Variants in FBXL17 observed in about 807,000 individuals in gnomAD.
FBXL17 encodes the protein F-box and leucine rich repeat protein 17, also known as F-box/LRR-repeat protein 17.
A neutral mutation model predicts 66.2 loss-of-function variants in FBXL17; 22 were observed. That is an observed-to-expected ratio of 0.33 (90% CI 0.24 to 0.47). FBXL17 has a LOEUF of 0.47. FBXL17 is among the 20% of genes least tolerant of loss of function. The pLI is 1.00. For synonymous variants in FBXL17, 474 were observed against 400.5 expected, an observed-to-expected ratio of 1.18 and a Z score of -2.19; for missense variants, 878 against 948.2, an observed-to-expected ratio of 0.93 and a Z score of 0.97.
At chr5:108,333,245 T>C (rs902950458) in intron 4 of FBXL17, among the ~76,000 whole-genome samples, 1 of 151,026 alleles carries the variant, frequency 6.6e-6, no homozygotes, top group African/African-American at 2.4e-5. Flanking sequence ...AAGACAAATA[T>C]TAATGTGAAG....
chr5:107,971,989 T>C (rs960503320), intron 7 of FBXL17, among the ~76,000 whole-genome samples: 20 of 152,378 alleles, frequency 1.3e-4, no homozygotes, highest in Admixed American at 4.6e-4. Flanking sequence ...ATTCACTAGA[T>C]TGTGAGCTCT....
intron 6 of FBXL17, among the ~76,000 whole-genome samples, chr5:108,055,608 C>CCA (rs1747675063): frequency 2.0e-5 from 1 of 51,146 alleles, no homozygotes; most frequent in African/African-American, 5.6e-5. Flanking sequence ...GACTCTGTCT[C>CCA]AAAAAAAAAA....
chr5:108,208,067 G>A (rs1039583147), intron 5 of FBXL17, among the ~76,000 whole-genome samples: 4 of 152,192 alleles, frequency 2.6e-5, no homozygotes, highest in Non-Finnish European at 5.9e-5. Flanking sequence ...CTAATGACCA[G>A]TGATGATGAG....
intron 4 of FBXL17, among the ~76,000 whole-genome samples, chr5:108,260,697 G>T (rs1028606808): frequency 6.6e-6 from 1 of 152,192 alleles, no homozygotes; most frequent in Middle Eastern, 3.4e-3. Flanking sequence ...CTCACAAAAG[G>T]AAACTGTATT....
intron 7 of FBXL17, among the ~76,000 whole-genome samples, chr5:107,966,178 C>A (rs920980631): frequency 2.4e-4 from 37 of 152,170 alleles, no homozygotes; most frequent in Non-Finnish European, 1.6e-4. Flanking sequence ...ACTTTCAACT[C>A]TTGCAAGCCA....
chr5:107,946,571 T>C (rs1475369869), intron 7 of FBXL17, among the ~76,000 whole-genome samples: 1 of 151,390 alleles, frequency 6.6e-6, no homozygotes, highest in South Asian at 2.1e-4. Context: ...CTTCCCAAAG[T>C]GTTGGGATTA....
chr5:108,099,510 A>G (rs1055573824), intron 6 of FBXL17, among the ~76,000 whole-genome samples: 6 of 152,242 alleles, frequency 3.9e-5, no homozygotes, highest in Non-Finnish European at 7.3e-5. Flanking sequence ...GACAAAAAGC[A>G]GTAAACTGTG....
chr5:108,164,445 A>G (rs2150010115), intron 6 of FBXL17, among the ~76,000 whole-genome samples: 1 of 152,236 alleles, frequency 6.6e-6, no homozygotes, highest in East Asian at 1.9e-4. Flanking sequence ...GCTTTATTTA[A>G]CCTAATTATG....
At chr5:108,048,106 C>T (rs1211670578) in intron 6 of FBXL17, among the ~76,000 whole-genome samples, 3 of 152,198 alleles carry the variant, frequency 2.0e-5, no homozygotes, top group African/African-American at 4.8e-5. Flanking sequence ...GCCATCTGTG[C>T]TGTTCTCCAG....
chr5:108,116,482 A>AG lies in FBXL17; in HGVS notation c.1745+69634_1745+69635insC, dbSNP rs1325952289. Among the ~76,000 whole-genome samples, 8 of 130,030 alleles carry AG rather than the reference A, an allele frequency of 6.2e-5. No homozygotes were observed. The East Asian group carries it at 2.1e-3, about 34-fold the overall frequency. 85.3% of individuals were successfully genotyped at this position (130,030 alleles called of 152,430 possible). A position where few individuals can be genotyped will look rare whatever the true frequency, so the allele number is the denominator to read the frequency against. Reference sequence around the variant, plus strand: ...GTGAAACCCTGTCTCTACTAAAAATACAAAAAAAAAAAAAAATTAGCTGGG... The same window carrying AG: ...GTGAAACCCTGTCTCTACTAAAAATAGCAAAAAAAAAAAAAAATTAGCTGGG... On this transcript the variant is annotated intron_variant, in intron 6 of 8. Coordinates refer to ENST00000542267, the MANE Select transcript of FBXL17 (RefSeq NM_001163315.3).
At chr5:108,357,786 TA>T (rs1435667971) in intron 3 of FBXL17, among the ~76,000 whole-genome samples, 10 of 152,012 alleles carry the variant, frequency 6.6e-5, no homozygotes, top group Admixed American at 3.9e-4. Context: ...GTTTGTTACA[TA>T]GGTATACATG....
chr5:108,317,004 T>C (rs1211853685), intron 4 of FBXL17, among the ~76,000 whole-genome samples: 3 of 151,320 alleles, frequency 2.0e-5, no homozygotes, highest in Non-Finnish European at 4.4e-5. Context: ...AAGTTATTTA[T>C]AATAATTTCA....
At chr5:108,101,701 C>T (rs1749607199) in intron 6 of FBXL17, among the ~76,000 whole-genome samples, 1 of 152,202 alleles carries the variant, frequency 6.6e-6, no homozygotes, top group African/African-American at 2.4e-5. Flanking sequence ...GCAATCTTCT[C>T]CCACGCTTCT....
chr5:108,381,002 TCCCCCGCCA>T lies in FBXL17; in HGVS notation c.681_689del (p.Gly229_Gly231del). The T allele has an allele frequency of 8.4e-7, 1 of 1,196,314 alleles. No individual in the cohort carries two copies. The highest frequency in any genetic ancestry group is 4.2e-5 in the South Asian group (1 of 24,000). The allele number at this position is 1,196,314 out of a possible 1,614,324, so 74.1% of individuals were successfully genotyped here. A position where few individuals can be genotyped will look rare whatever the true frequency, so the allele number is the denominator to read the frequency against. On this transcript the variant is annotated inframe_deletion, in exon 1 of 9. Coordinates refer to ENST00000542267, the MANE Select transcript of FBXL17 (RefSeq NM_001163315.3). ...GCGAAGCGCCTCCCCCCGCAGGCCC[TCCCCCGCCA>T]CCGCCGCCGCCGCCGCCGCCGCAGC...
At chr5:108,335,902 T>C (rs1760358552) in intron 4 of FBXL17, among the ~76,000 whole-genome samples, 1 of 151,868 alleles carries the variant, frequency 6.6e-6, no homozygotes, top group Admixed American at 6.6e-5. Flanking sequence ...GAAAAAGATA[T>C]TACTTCTAGA....
At chr5:108,347,398 A>C (rs1056790525) in intron 4 of FBXL17, among the ~76,000 whole-genome samples, 1 of 152,176 alleles carries the variant, frequency 6.6e-6, no homozygotes, top group Non-Finnish European at 1.5e-5. Flanking sequence ...GCTATTTTTC[A>C]ATTTTAAGAA....
intron 4 of FBXL17, chr5:108,299,649 A>G (rs982766962): frequency 1.0e-6 from 1 of 976,734 alleles, no homozygotes; most frequent in African/African-American, 1.8e-5. Context: ...AATAAAAATT[A>G]AAATTAAAAA....
intron 7 of FBXL17, among the ~76,000 whole-genome samples, chr5:107,952,984 C>T (rs1199117081): frequency 6.6e-6 from 1 of 152,164 alleles, no homozygotes; most frequent in Non-Finnish European, 1.5e-5. Flanking sequence ...CCTCCCCTCT[C>T]ACAGGTCAGA....
intron 6 of FBXL17, among the ~76,000 whole-genome samples, chr5:108,168,306 G>C (rs1381170766): frequency 1.3e-5 from 2 of 152,124 alleles, no homozygotes; most frequent in Non-Finnish European, 1.5e-5. Context: ...GAGGGGAAGG[G>C]GAAGGGTGAT....
Sources: gnomAD v4.1 joint callset for allele counts (sites outside exome capture counted in the v4.1 genomes callset) on GRCh38, gnomAD v4.1.1 for gene constraint, MANE v1.5 for transcripts, NCBI Gene and HGNC (gene_info 2026-07-23, HGNC 2026-07-21) for gene names.